The following RALGPS2 variants were observed in gnomAD, a reference collection of about 807,000 sequenced individuals.
RALGPS2 encodes the protein Ral GEF with PH domain and SH3 binding motif 2.
In RALGPS2, 43 loss-of-function variants were observed where a neutral mutation model predicts 86.8. The observed-to-expected ratio is 0.50, with a 90% CI of 0.39 to 0.64. RALGPS2 has a LOEUF of 0.64. Among genes scored for constraint, RALGPS2 ranks in the 30% least tolerant of loss-of-function variants. The pLI, the probability that RALGPS2 is intolerant of heterozygous loss-of-function variation, is 0.00. For synonymous variants in RALGPS2, 243 were observed against 231.3 expected (o/e 1.05, Z -0.46); for missense variants, 536 against 694.6 (o/e 0.77, Z 2.57).
rs375323965 is a variant in RALGPS2, at chr1:178,902,224, A to G, written c.1630+13A>G. 5.3e-5 allele frequency: 84 copies of G among 1,587,032 alleles called. No individual in the cohort carries two copies. The Middle Eastern group carries it at 2.8e-3, about 53-fold the overall frequency. ...GACTCTGAGAAAGGTGAATTGTTAG[A>G]ATAACTGGGGCTTACGATACTGCGT... On this transcript the variant is annotated intron_variant, in intron 18 of 19. Transcript: ENST00000367635.
rs538017596 is a variant in RALGPS2 at position 178,919,870 on chromosome 1, C to A, written c.*3511C>A. On this transcript the variant is annotated 3_prime_UTR_variant, in exon 20 of 20. Transcript: ENST00000367635. The stretch of plus-strand genomic sequence containing the variant: ...TAACAGAAGATAATCTTTAATAAAG[C>A]AAATCCTCTGCTTCAAAGGTTTTTG... 1 of 151,918 alleles carries A rather than the reference C, an allele frequency of 6.6e-6. No individual in the cohort carries two copies. The highest frequency in any genetic ancestry group is 1.9e-4 in the East Asian group (1 of 5,194). 9.4% of individuals were successfully genotyped at this position (151,918 alleles called of 1,614,324 possible). A position where few individuals can be genotyped will look rare whatever the true frequency, so the allele number is the denominator to read the frequency against.
chr1:178,776,646 G>A, intron 1 of RALGPS2, 36 bp from the exon 2 acceptor site: 1 of 664,576 alleles, frequency 1.5e-6, no homozygotes, highest in Non-Finnish European at 2.3e-6. Flanking sequence ...TGAACTTCGA[G>A]GAAGACATTT....
intron 6 of RALGPS2, among the ~76,000 whole-genome samples, chr1:178,812,565 C>CT (rs1655032751): frequency 1.3e-5 from 2 of 152,074 alleles, no homozygotes; most frequent in African/African-American, 4.8e-5. Context: ...TCCGTAGGCC[C>CT]TCTGAATAGC....
chr1:178,895,919 A>G (rs1469460331), intron 16 of RALGPS2, among the ~76,000 whole-genome samples: 1 of 152,034 alleles, frequency 6.6e-6, no homozygotes, highest in Admixed American at 6.6e-5. Flanking sequence ...AGTCATTAGC[A>G]TACAGATAGA....
intron 8 of RALGPS2, among the ~76,000 whole-genome samples, chr1:178,835,507 C>G (rs767825983): frequency 6.6e-6 from 1 of 151,594 alleles, no homozygotes; most frequent in African/African-American, 2.4e-5. Flanking sequence ...ATTCTCCTGC[C>G]TCAGCCTCCC....
At chr1:178,728,473 G>A (rs1265905029) in intron 1 of RALGPS2, among the ~76,000 whole-genome samples, 2 of 145,590 alleles carry the variant, frequency 1.4e-5, no homozygotes, top group Non-Finnish European at 3.0e-5. Context: ...ATGATACACA[G>A]TTTGAGAATA....
intron 19 of RALGPS2, among the ~76,000 whole-genome samples, chr1:178,914,964 C>G (rs1660755409): frequency 6.6e-6 from 1 of 151,786 alleles, no homozygotes; most frequent in Non-Finnish European, 1.5e-5. Flanking sequence ...TTTTCAATCT[C>G]AGATTCCAAG....
At chr1:178,910,418 A>G (rs1231055272) in intron 19 of RALGPS2, among the ~76,000 whole-genome samples, 1 of 152,098 alleles carries the variant, frequency 6.6e-6, no homozygotes, top group Non-Finnish European at 1.5e-5. Flanking sequence ...GACTCTTACT[A>G]TTTTGAGATA....
At chr1:178,893,674 T>C (rs1253365881) in intron 15 of RALGPS2, among the ~76,000 whole-genome samples, 3 of 151,984 alleles carry the variant, frequency 2.0e-5, no homozygotes, top group African/African-American at 7.2e-5. Context: ...TTCTAAATTA[T>C]ACTGTTCAAA....
chr1:178,857,910 G>A (rs1292554508), intron 8 of RALGPS2, among the ~76,000 whole-genome samples: 2 of 152,130 alleles, frequency 1.3e-5, no homozygotes, highest in East Asian at 3.8e-4. Flanking sequence ...TAGACACTCA[G>A]ATGTTTAAAG....
chr1:178,762,385 T>C (rs1652288571), intron 1 of RALGPS2, among the ~76,000 whole-genome samples: 1 of 152,184 alleles, frequency 6.6e-6, no homozygotes. Context: ...AGTGGGATTG[T>C]GGGTTGAATG....
chr1:178,850,218 C>T (rs1428980955), intron 8 of RALGPS2: 2 of 152,534 alleles, frequency 1.3e-5, no homozygotes, highest in Non-Finnish European at 2.9e-5. Flanking sequence ...GCTGTCCAAA[C>T]TTTCTGATTT....
intron 15 of RALGPS2, among the ~76,000 whole-genome samples, chr1:178,893,268 A>T (rs1385961881): frequency 1.3e-5 from 2 of 151,722 alleles, no homozygotes; most frequent in South Asian, 2.1e-4. Context: ...TAAAAGATAC[A>T]TGAAAAGGAA....
At chr1:178,901,889 T>A (rs552349368) in intron 17 of RALGPS2, among the ~76,000 whole-genome samples, 36 of 152,112 alleles carry the variant, frequency 2.4e-4, no homozygotes, top group African/African-American at 8.2e-4. Flanking sequence ...GATGCAGAGT[T>A]GAAGCTGGGA....
In RALGPS2 at chr1:178,747,210, C is replaced by G. The variant is rs1036396667; in HGVS notation, c.-84+21791C>G. Reference sequence around the variant, plus strand: ...CCAGTGCCTGCACTACGGTGGATCACCACAGGTCCATGGTCAGGGTTCAAG... The same window carrying G: ...CCAGTGCCTGCACTACGGTGGATCAGCACAGGTCCATGGTCAGGGTTCAAG... On this transcript the variant is annotated intron_variant, in intron 1 of 19. Transcript: ENST00000367635. 3.0e-6 allele frequency: 4 copies of G among 1,317,706 alleles called. No individual in the cohort carries two copies. In the South Asian group the frequency reaches 3.5e-5, roughly 12 times the overall value. The allele number at this position is 1,317,706 out of a possible 1,614,324, so 81.6% of individuals were successfully genotyped here. A position where few individuals can be genotyped will look rare whatever the true frequency, so the allele number is the denominator to read the frequency against.
chr1:178,902,223 GAATA>G lies in RALGPS2; in HGVS notation c.1630+14_1630+17del. ...TGACTCTGAGAAAGGTGAATTGTTAGAATAACTGGGGCTTACGATACTGCGTATG... is the reference window on the plus strand; with the variant it reads ...TGACTCTGAGAAAGGTGAATTGTTAGACTGGGGCTTACGATACTGCGTATG... On this transcript the variant is annotated intron_variant, in intron 18 of 19. Coordinates refer to ENST00000367635, the MANE Select transcript of RALGPS2 (RefSeq NM_152663.5). 1 of 1,586,974 alleles carries G rather than the reference GAATA, an allele frequency of 6.3e-7. No individual in the cohort carries two copies. Among genetic ancestry groups the G allele is most frequent in the Non-Finnish European group, 8.7e-7 (1 of 1,155,784 alleles).
chr1:178,859,553 G>A (rs1006522520), intron 8 of RALGPS2, among the ~76,000 whole-genome samples: 3 of 150,592 alleles, frequency 2.0e-5, no homozygotes, highest in South Asian at 2.1e-4. Context: ...ACAGGCGCCC[G>A]CCACTACGAA....
intron 2 of RALGPS2, among the ~76,000 whole-genome samples, chr1:178,781,780 C>T (rs930163363): frequency 1.3e-5 from 2 of 152,112 alleles, no homozygotes; most frequent in Non-Finnish European, 2.9e-5. Flanking sequence ...TTAGTGTATA[C>T]TGTTTAACTG....
In RALGPS2 at chr1:178,833,476, G is replaced by C. The variant is rs1171085415; in HGVS notation, c.533G>C (p.Ser178Thr). 6.5e-7 allele frequency: 1 copy of C among 1,531,342 alleles called. No homozygotes were observed. The highest frequency in any genetic ancestry group is 2.5e-5 in the Admixed American group (1 of 39,250). The allele number at this position is 1,531,342 out of a possible 1,614,324, so 94.9% of individuals were successfully genotyped here. ...TTFEKLEYVM[S>T]KEDNYKRLRD... ...TTTGAAAAATTAGAATATGTAATGA[G>C]TAAAGAAGATAACTACAAAAGACTC... The change falls in exon 8 of 20, where the codon AGT becomes ACT. Residue 178 changes from serine to threonine, a missense_variant. Around this residue, in one of 3 missense-constraint regions of RALGPS2, gnomAD observed 184 missense variants for 296.7 expected, o/e 0.62. Coordinates refer to ENST00000367635, the MANE Select transcript of RALGPS2 (RefSeq NM_152663.5).
Sources: gnomAD v4.1 joint callset for allele counts (sites outside exome capture counted in the v4.1 genomes callset) on GRCh38, gnomAD v4.1.1 for gene constraint, gnomAD v4.1.1 regional missense constraint, MANE v1.5 for transcripts, NCBI Gene and HGNC (gene_info 2026-07-23, HGNC 2026-07-21) for gene names.